FAF1: variants seen among roughly 807,000 people sequenced by gnomAD.
The protein encoded by FAF1 is FAS-associated factor 1.
FAF1 carries 25 observed loss-of-function variants against 92.5 expected under a neutral mutation model. The observed-to-expected ratio is 0.27, with a 90% CI of 0.20 to 0.38. FAF1 has a LOEUF of 0.38. FAF1 is among the 10% of genes least tolerant of loss of function. The pLI is 1.00. For synonymous variants in FAF1, 234 were observed against 273.2 expected, an observed-to-expected ratio of 0.86 and a Z score of 1.42; for missense variants, 636 against 793.3, an observed-to-expected ratio of 0.80 and a Z score of 2.38.
rs555997831 is a variant in FAF1, at chr1:50,513,927, C to T, written c.1494+21442G>A. On this transcript the variant is annotated intron_variant, in intron 15 of 18. Coordinates refer to ENST00000396153, the MANE Select transcript of FAF1 (RefSeq NM_007051.3). ...ATTTAATTTATCTTCAACCTACTTG[C>T]TTATTGTATTTCTCCATCTCTACAT... is the stretch of plus-strand genomic sequence containing the variant. Among the ~76,000 whole-genome samples, 3 of 152,282 alleles carry T rather than the reference C, an allele frequency of 2.0e-5. No individual in the cohort carries two copies. In the South Asian group the frequency reaches 6.2e-4, roughly 32 times the overall value.
intron 12 of FAF1, among the ~76,000 whole-genome samples, chr1:50,571,311 A>T (rs888740034): frequency 6.6e-6 from 1 of 152,240 alleles, no homozygotes; most frequent in Non-Finnish European, 1.5e-5. Context: ...TTTTAGTAAC[A>T]CAGTGCAAAA....
intron 15 of FAF1, among the ~76,000 whole-genome samples, chr1:50,526,455 T>C (rs1182503286): frequency 5.3e-5 from 8 of 151,530 alleles, no homozygotes; most frequent in Admixed American, 5.3e-4. Context: ...TAATATTTAT[T>C]ATTTTTAAAT....
At chr1:50,880,644 C>T (rs941957624) in intron 1 of FAF1, among the ~76,000 whole-genome samples, 34 of 152,200 alleles carry the variant, frequency 2.2e-4, no homozygotes, top group African/African-American at 8.2e-4. Flanking sequence ...TCATGTGAAA[C>T]ATTGATCGTG....
chr1:50,674,614 C>CT (rs1656038088), intron 7 of FAF1, among the ~76,000 whole-genome samples: 1 of 152,150 alleles, frequency 6.6e-6, no homozygotes, highest in African/African-American at 2.4e-5. Flanking sequence ...TAAACGGTAA[C>CT]TGCATTTGAT....
chr1:50,918,092 G>C (rs1570138647), intron 1 of FAF1, among the ~76,000 whole-genome samples: 1 of 151,672 alleles, frequency 6.6e-6, no homozygotes, highest in Non-Finnish European at 1.5e-5. Context: ...ACAGGAGTGG[G>C]CCACCACACC....
intron 15 of FAF1, among the ~76,000 whole-genome samples, chr1:50,512,676 C>G (rs2149024524): frequency 6.6e-6 from 1 of 152,246 alleles, no homozygotes; most frequent in South Asian, 2.1e-4. Context: ...TATAATGCCT[C>G]CAGCTCTGTT....
chr1:50,915,517 C>A (rs1012289032), intron 1 of FAF1, among the ~76,000 whole-genome samples: 1 of 151,884 alleles, frequency 6.6e-6, no homozygotes, highest in Non-Finnish European at 1.5e-5. Flanking sequence ...TAACTGTTTA[C>A]AGAGATGATG....
chr1:50,906,536 G>T (rs1236761729), intron 1 of FAF1, among the ~76,000 whole-genome samples: 1 of 152,142 alleles, frequency 6.6e-6, no homozygotes, highest in Non-Finnish European at 1.5e-5. Context: ...CCATTTGTTT[G>T]TATCCTCTTT....
At chr1:50,588,233 G>A (rs1468715663) in intron 9 of FAF1, among the ~76,000 whole-genome samples, 2 of 152,214 alleles carry the variant, frequency 1.3e-5, no homozygotes, top group Admixed American at 6.5e-5. Context: ...GTTGCAGTAC[G>A]TGCCACTACA....
chr1:50,658,384 T>C (rs1031220297), intron 7 of FAF1, among the ~76,000 whole-genome samples: 37 of 152,174 alleles, frequency 2.4e-4, no homozygotes, highest in African/African-American at 7.0e-4. Flanking sequence ...ACTATAAGTA[T>C]ACAAACAAAT....
At chr1:50,527,860 C>CTCTCTCT (rs1647910568) in intron 15 of FAF1, among the ~76,000 whole-genome samples, 1 of 61,100 alleles carries the variant, frequency 1.6e-5, no homozygotes, top group Admixed American at 1.6e-4. Context: ...TCCCTCTCTC[C>CTCTCTCT]CTCTCTCCCT....
At chr1:50,795,573 G>A (rs1210397258) in intron 3 of FAF1, among the ~76,000 whole-genome samples, 1 of 152,174 alleles carries the variant, frequency 6.6e-6, no homozygotes, top group Non-Finnish European at 1.5e-5. Flanking sequence ...CTTAAAGTAT[G>A]TGGTATAAAT....
intron 8 of FAF1, among the ~76,000 whole-genome samples, chr1:50,621,503 G>C (rs986741681): frequency 6.8e-6 from 1 of 146,444 alleles, no homozygotes; most frequent in Non-Finnish European, 1.5e-5. Context: ...GGGCTCAAGT[G>C]GTTCTCCTGC....
chr1:50,582,006 G>C (rs915971066), intron 12 of FAF1, among the ~76,000 whole-genome samples: 2 of 135,746 alleles, frequency 1.5e-5, no homozygotes, highest in Non-Finnish European at 3.1e-5. Flanking sequence ...TAGACTTCAA[G>C]ATCACAAAGT....
At chr1:50,626,740 G>A (rs903354723) in intron 8 of FAF1, among the ~76,000 whole-genome samples, 8 of 152,070 alleles carry the variant, frequency 5.3e-5, no homozygotes, top group Admixed American at 2.6e-4. Flanking sequence ...GATATAGTAC[G>A]GAGAGTTGAT....
At chr1:50,490,466 G>GGAA in intron 17 of FAF1, 122 bp downstream of exon 17, 5 of 589,454 alleles carry the variant, frequency 8.5e-6, no homozygotes, top group South Asian at 3.7e-5. Flanking sequence ...GAAGGAAAAA[G>GGAA]AAAGAAGGAA....
intron 18 of FAF1, among the ~76,000 whole-genome samples, chr1:50,466,873 A>G (rs1020530941): frequency 1.3e-5 from 2 of 152,170 alleles, no homozygotes; most frequent in Non-Finnish European, 2.9e-5. Flanking sequence ...GCTTTTCAAC[A>G]TTAGACCTTT....
chr1:50,746,275 TA>T (rs1659600110), intron 4 of FAF1, among the ~76,000 whole-genome samples: 3 of 18,514 alleles, frequency 1.6e-4, no homozygotes, highest in African/African-American at 7.6e-4. Context: ...TATATATATA[TA>T]TATATATATA....
chr1:50,779,564 T>C (rs1661085600), intron 4 of FAF1, among the ~76,000 whole-genome samples: 1 of 151,582 alleles, frequency 6.6e-6, no homozygotes, highest in Non-Finnish European at 1.5e-5. Flanking sequence ...TATTTAGATA[T>C]GAGATAAATA....
Sources: gnomAD v4.1 joint callset for allele counts (sites outside exome capture counted in the v4.1 genomes callset) on GRCh38, gnomAD v4.1.1 for gene constraint, MANE v1.5 for transcripts, NCBI Gene and HGNC (gene_info 2026-07-23, HGNC 2026-07-21) for gene names.